Variants in RAB8A observed in about 807,000 individuals in gnomAD.
RAB8A encodes the protein RAB8A, member RAS oncogene family, also known as ras-related protein Rab-8A.
In RAB8A, 5 loss-of-function variants were observed where a neutral mutation model predicts 29.2. The observed-to-expected ratio is 0.17, with a 90% CI of 0.09 to 0.36. RAB8A has a LOEUF of 0.36. Among genes scored for constraint, RAB8A ranks in the 10% least tolerant of loss-of-function variants. The pLI, the probability that RAB8A is intolerant of heterozygous loss-of-function variation, is 1.00. For synonymous variants in RAB8A, 108 were observed against 99.9 expected, an observed-to-expected ratio of 1.08 and a Z score of -0.49; for missense variants, 171 against 272.2, an observed-to-expected ratio of 0.63 and a Z score of 2.62.
Position 16,125,794 on chromosome 19 carries a change from A to C in RAB8A, c.324+247A>C, listed in dbSNP as rs532644680. ...TCCAGCTAGGCTGTTGGATCTGGCC[A>C]GTGTCATGGTTATAAGAGAAAGGAT... On this transcript the variant is annotated intron_variant, in intron 4 of 7. Transcript: ENST00000300935. The surrounding 1 kb of genome is among the most constrained non-coding windows in gnomAD (Gnocchi z 5.0). 1.6e-6 allele frequency: 1 copy of C among 635,098 alleles called. No individual in the cohort carries two copies. Among genetic ancestry groups the C allele is most frequent in the Non-Finnish European group, 2.9e-6 (1 of 346,136 alleles). The allele number at this position is 635,098 out of a possible 1,614,324, so 39.3% of individuals were successfully genotyped here. A position where few individuals can be genotyped will look rare whatever the true frequency, so the allele number is the denominator to read the frequency against.
intron 2 of RAB8A, among the ~76,000 whole-genome samples, 195 bp downstream of exon 2, chr19:16,118,481 G>A (rs2144986361): frequency 6.6e-6 from 1 of 152,248 alleles, no homozygotes. Context: ...CTGGCTGCAG[G>A]GCACCAGGGC....
At chr19:16,130,134 C>T (rs1424514095) in intron 7 of RAB8A, among the ~76,000 whole-genome samples, 1 of 150,484 alleles carries the variant, frequency 6.6e-6, no homozygotes, top group Non-Finnish European at 1.5e-5. Flanking sequence ...TACCCATCTA[C>T]CCTCTCATTC....
chr19:16,123,882 G>C (rs1207529593), intron 3 of RAB8A: 1 of 152,116 alleles, frequency 6.6e-6, no homozygotes, highest in African/African-American at 2.4e-5. Flanking sequence ...AGCCCTGAGG[G>C]GTGTTTCCAG....
chr19:16,129,027 C>G (rs915393516), intron 6 of RAB8A, among the ~76,000 whole-genome samples: 10 of 152,364 alleles, frequency 6.6e-5, no homozygotes, highest in African/African-American at 2.4e-4. Context: ...GCTCCCGCTC[C>G]CAGCCCTGCC....
At chr19:16,114,272 A>G (rs555628060) in intron 1 of RAB8A, among the ~76,000 whole-genome samples, 11 of 152,166 alleles carry the variant, frequency 7.2e-5, no homozygotes, top group African/African-American at 2.4e-4. Flanking sequence ...TGTCTTAAAA[A>G]ATAATAATAA....
Position 16,125,182 on chromosome 19 carries a change from C to G in RAB8A, c.247-288C>G. On this transcript the variant is annotated intron_variant, in intron 3 of 7. Coordinates refer to ENST00000300935, the MANE Select transcript of RAB8A (RefSeq NM_005370.5). The surrounding 1 kb of genome is among the most constrained non-coding windows in gnomAD (Gnocchi z 5.0). ...TGGGCCATGAGGGGAGCCAGCCGGG[C>G]TTGTCAGCGAGTGCGTGGCAGGGGC... The G allele has an allele frequency of 2.0e-6, 1 of 512,814 alleles. No homozygotes were observed. The highest frequency in any genetic ancestry group is 3.6e-6 in the Non-Finnish European group (1 of 280,996). The allele number at this position is 512,814 out of a possible 1,614,324, so 31.8% of individuals were successfully genotyped here. A position where few individuals can be genotyped will look rare whatever the true frequency, so the allele number is the denominator to read the frequency against.
intron 2 of RAB8A, among the ~76,000 whole-genome samples, chr19:16,119,569 G>C (rs2090864193): frequency 6.6e-6 from 1 of 152,132 alleles, no homozygotes; most frequent in Admixed American, 6.5e-5. Context: ...TCATCCTGCA[G>C]ACATTGGTAG....
rs758614217 is a variant in RAB8A at position 16,114,551 on chromosome 19, ATT to A, written c.124+2544_124+2545del. On this transcript the variant is annotated intron_variant, in intron 1 of 7. Coordinates refer to ENST00000300935, the MANE Select transcript of RAB8A (RefSeq NM_005370.5). ...GCCACCATGCCCAGCTAATTTTTGTATTTTTTTTTTTTTTTTTTTAGTAGAGA... is the reference window on the plus strand; with the variant it reads ...GCCACCATGCCCAGCTAATTTTTGTATTTTTTTTTTTTTTTTTAGTAGAGA... Among the ~76,000 whole-genome samples the A allele has an allele frequency of 2.5e-4, 29 of 117,722 alleles. 1 individual carries two copies. The highest frequency in any genetic ancestry group is 3.4e-4 in the Admixed American group (4 of 11,624). 77.2% of individuals were successfully genotyped at this position (117,722 alleles called of 152,430 possible). A position where few individuals can be genotyped will look rare whatever the true frequency, so the allele number is the denominator to read the frequency against.
At chr19:16,119,541 G>A (rs912676988) in intron 2 of RAB8A, among the ~76,000 whole-genome samples, 6 of 152,062 alleles carry the variant, frequency 3.9e-5, no homozygotes, top group Admixed American at 3.3e-4. Context: ...TGGGAGTCGG[G>A]TAGGTTTAAC....
intron 1 of RAB8A, among the ~76,000 whole-genome samples, chr19:16,113,182 C>T (rs1355239374): frequency 6.6e-6 from 1 of 152,160 alleles, no homozygotes; most frequent in East Asian, 1.9e-4. Flanking sequence ...CCAGGAGTAA[C>T]ACCTATTTGA....
rs887364471 is a variant in RAB8A, at chr19:16,125,522, G to A, written c.299G>A (p.Arg100Gln). The A allele has an allele frequency of 8.1e-6, 13 of 1,613,950 alleles. No homozygotes were observed. The highest frequency in any genetic ancestry group is 4.0e-5 in the African/African-American group (3 of 74,924). Residue 100 changes from arginine to glutamine, a missense_variant, in exon 4 of 8, where the codon CGG becomes CAG. By Grantham distance (43) the Arg-to-Gln change is conservative. Coordinates refer to ENST00000300935, the MANE Select transcript of RAB8A (RefSeq NM_005370.5). The surrounding 1 kb of genome is among the most constrained non-coding windows in gnomAD (Gnocchi z 5.0). ...ITNEKSFDNI[R>Q]NWIRNIEEHA... ...AACGAGAAGTCCTTCGACAACATCC[G>A]GAACTGGATTCGCAACATTGAGGAG...
rs1303346427 is a variant in RAB8A, at chr19:16,125,678, A to G, written c.324+131A>G. ...TGCCCACAGCCTCCTAGTCAGGGACATGGTGGGAGCAGGGACTGAGATGCA... is the reference window on the plus strand; with the variant it reads ...TGCCCACAGCCTCCTAGTCAGGGACGTGGTGGGAGCAGGGACTGAGATGCA... On this transcript the variant is annotated intron_variant, in intron 4 of 7. Transcript: ENST00000300935. This position sits in a 1 kb window ranked among gnomAD's most constrained non-coding sequence, Gnocchi z 5.0. The G allele has an allele frequency of 1.1e-6, 1 of 887,404 alleles. No individual in the cohort carries two copies. The highest frequency in any genetic ancestry group is 1.4e-5 in the South Asian group (1 of 70,314). The allele number at this position is 887,404 out of a possible 1,614,324, so 55.0% of individuals were successfully genotyped here.
At position 16,121,704 on chromosome 19, in the gene RAB8A, G is replaced by C. The variant is rs749897811; in HGVS notation, c.186-46G>C. 6 of 1,571,576 alleles carry C rather than the reference G, an allele frequency of 3.8e-6. No homozygotes were observed. The African/African-American group carries it at 5.4e-5, about 14-fold the overall frequency. Reference sequence around the variant, plus strand: ...TGCTCCTTGTCTCCTACTGAGGACAGTTATTTTCCTTTAATGTTGCTAATA... The same window carrying C: ...TGCTCCTTGTCTCCTACTGAGGACACTTATTTTCCTTTAATGTTGCTAATA... On this transcript the variant is annotated intron_variant, in intron 2 of 7. Transcript: ENST00000300935.
chr19:16,113,764 T>C (rs2090834270), intron 1 of RAB8A, among the ~76,000 whole-genome samples: 1 of 152,216 alleles, frequency 6.6e-6, no homozygotes, highest in Non-Finnish European at 1.5e-5. Flanking sequence ...TGGAAATCAT[T>C]ACGTCTGGTT....
At position 16,132,597 on chromosome 19, in the gene RAB8A, C is replaced by T. The variant is rs755003537; in HGVS notation, c.*293C>T. 5.1e-4 allele frequency: 200 copies of T among 393,112 alleles called. 1 individual carries two copies. Among genetic ancestry groups the T allele is most frequent in the Middle Eastern group, 7.7e-4 (1 of 1,292 alleles). The allele number at this position is 393,112 out of a possible 1,614,324, so 24.4% of individuals were successfully genotyped here. A position where few individuals can be genotyped will look rare whatever the true frequency, so the allele number is the denominator to read the frequency against. ...GAGAGAGAGGGAGTCAAGGTGTGAC[C>T]GTCGACCACAGCCAGTGTCAGGCCT... is the stretch of plus-strand genomic sequence containing the variant. On this transcript the variant is annotated 3_prime_UTR_variant, in exon 8 of 8. Transcript: ENST00000300935. This position sits in a 1 kb window ranked among gnomAD's most constrained non-coding sequence, Gnocchi z 5.6.
rs1274360798 is a variant in RAB8A, at chr19:16,132,537, G to A, written c.*233G>A. The A allele has an allele frequency of 3.7e-6, 2 of 540,246 alleles. No homozygotes were observed. The highest frequency in any genetic ancestry group is 6.4e-5 in the East Asian group (2 of 31,248). The allele number at this position is 540,246 out of a possible 1,614,324, so 33.5% of individuals were successfully genotyped here. A position where few individuals can be genotyped will look rare whatever the true frequency, so the allele number is the denominator to read the frequency against. Reference sequence around the variant, plus strand: ...ATTTGCTATTTTTCCTGTAACATCTGCTGAACGGGCCCACCCACACGTTGT... The same window carrying A: ...ATTTGCTATTTTTCCTGTAACATCTACTGAACGGGCCCACCCACACGTTGT... On this transcript the variant is annotated 3_prime_UTR_variant, in exon 8 of 8. Coordinates refer to ENST00000300935, the MANE Select transcript of RAB8A (RefSeq NM_005370.5). The surrounding 1 kb of genome is among the most constrained non-coding windows in gnomAD (Gnocchi z 5.6).
intron 1 of RAB8A, among the ~76,000 whole-genome samples, chr19:16,113,679 C>T (rs2090833886): frequency 6.6e-6 from 1 of 152,238 alleles, no homozygotes; most frequent in Admixed American, 6.5e-5. Context: ...GGATTACAAG[C>T]ATGAGCCACC....
At chr19:16,121,341 A>G (rs921658001) in intron 2 of RAB8A, among the ~76,000 whole-genome samples, 6 of 152,356 alleles carry the variant, frequency 3.9e-5, no homozygotes, top group African/African-American at 1.2e-4. Context: ...CTTGTCATGC[A>G]GATGAGGAGG....
At chr19:16,117,958 G>A (rs1374781958) in intron 1 of RAB8A, among the ~76,000 whole-genome samples, 3 of 152,138 alleles carry the variant, frequency 2.0e-5, no homozygotes, top group South Asian at 2.1e-4. Context: ...GTGGGGAGGC[G>A]GGTTCAGCTG....
Sources: allele counts gnomAD v4.1 joint callset (sites outside exome capture counted in the v4.1 genomes callset), GRCh38; gene constraint gnomAD v4.1.1; non-coding constraint Gnocchi (gnomAD v3.1); transcripts MANE v1.5; gene names NCBI Gene and HGNC (gene_info 2026-07-23, HGNC 2026-07-21).